PRUNE2: variants seen among roughly 807,000 people sequenced by gnomAD.
PRUNE2 encodes the protein protein prune homolog 2.
Under a neutral mutation model 252.0 loss-of-function variants are expected in PRUNE2, and 164 were observed. The ratio of observed to expected loss-of-function variants is 0.65; its 90% confidence interval spans 0.57 to 0.74. The LOEUF is 0.74. Ranked by LOEUF, PRUNE2 falls within the 30% of genes least tolerant of loss-of-function variation. The pLI is 0.00. For synonymous variants in PRUNE2, 1,292 were observed against 1,350.2 expected (o/e 0.96, Z 0.94); for missense variants, 3,495 against 3,711.0 (o/e 0.94, Z 1.51).
chr9:76,752,093 T>A (rs57867815), intron 6 of PRUNE2, among the ~76,000 whole-genome samples: 8 of 18,992 alleles, frequency 4.2e-4, no homozygotes, highest in Middle Eastern at 0.043. Flanking sequence ...CTGTTTTTTT[T>A]TTGGTTTTTT....
intron 1 of PRUNE2, among the ~76,000 whole-genome samples, chr9:76,883,360 T>A (rs956728011): frequency 2.1e-4 from 32 of 152,346 alleles, no homozygotes; most frequent in Non-Finnish European, 4.3e-4. Context: ...AGGGATTGAT[T>A]ACTTCTAGAA....
In PRUNE2 at chr9:76,705,680, G is replaced by T; in HGVS notation, c.6594C>A (p.Asp2198Glu). ...CTGATACTTGTAAACCTGTACTGTT[G>T]TCACCGTTTATTTCAGAAGGTTCAG... ...GSPEPSEING[D>E]NSTGLQVSEK... Residue 2198 changes from aspartate (D) to glutamate (E), a missense_variant, in exon 8 of 19, where the codon GAC becomes GAA. Asp to Glu is a conservative substitution (Grantham distance 45). Coordinates refer to ENST00000376718, the MANE Select transcript of PRUNE2 (RefSeq NM_015225.3). 6.2e-7 allele frequency: 1 copy of T among 1,613,958 alleles called. No homozygotes were observed.
intron 9 of PRUNE2, among the ~76,000 whole-genome samples, chr9:76,688,537 C>CA (rs2044358106): frequency 1.3e-5 from 2 of 152,190 alleles, no homozygotes; most frequent in Non-Finnish European, 2.9e-5. Flanking sequence ...AGTAGGTTCT[C>CA]ATCTTCCTCA....
At chr9:76,819,909 G>C (rs11145083) in intron 6 of PRUNE2, among the ~76,000 whole-genome samples, 19,569 of 152,148 alleles carry the variant, frequency 0.13, 1,380 homozygotes, top group East Asian at 0.18. Flanking sequence ...ATCATTACCA[G>C]TTCTGCTGGC....
chr9:76,755,438 A>G (rs1042215748), intron 6 of PRUNE2, among the ~76,000 whole-genome samples: 3 of 146,360 alleles, frequency 2.0e-5, no homozygotes, highest in African/African-American at 7.9e-5. Flanking sequence ...CACTCTGGGG[A>G]TATAAAAAAA....
intron 6 of PRUNE2, among the ~76,000 whole-genome samples, chr9:76,776,247 C>T (rs991043300): frequency 6.6e-6 from 1 of 152,148 alleles, no homozygotes; most frequent in African/African-American, 2.4e-5. Flanking sequence ...GAATAGCAGA[C>T]ATTGTACCCA....
intron 1 of PRUNE2, among the ~76,000 whole-genome samples, chr9:76,887,085 G>A (rs561369894): frequency 6.6e-6 from 1 of 152,014 alleles, no homozygotes; most frequent in Admixed American, 6.5e-5. Context: ...TTCTTATATT[G>A]GGAAGAAACT....
At chr9:76,616,867 A>G (rs1225733879) in intron 18 of PRUNE2, among the ~76,000 whole-genome samples, 1 of 152,216 alleles carries the variant, frequency 6.6e-6, no homozygotes, top group Non-Finnish European at 1.5e-5. Flanking sequence ...ATGTAAAAAT[A>G]TAAAAAGGCA....
At chr9:76,717,524 T>G (rs1588803960) in intron 6 of PRUNE2, among the ~76,000 whole-genome samples, 1 of 152,162 alleles carries the variant, frequency 6.6e-6, no homozygotes, top group Non-Finnish European at 1.5e-5. Flanking sequence ...CTGTTTTAGT[T>G]ACATGTATAC....
intron 6 of PRUNE2, among the ~76,000 whole-genome samples, chr9:76,720,849 CAT>C (rs61070592): frequency 0.22 from 33,005 of 151,974 alleles, 4,035 homozygotes; most frequent in East Asian, 0.58. Flanking sequence ...GAAGTAAACT[CAT>C]ATAAAAATGA....
At chr9:76,629,544 T>C (rs557252157) in intron 15 of PRUNE2, among the ~76,000 whole-genome samples, 2 of 152,204 alleles carry the variant, frequency 1.3e-5, no homozygotes, top group Admixed American at 6.5e-5. Flanking sequence ...TTCTGAAATA[T>C]GTATACGTTG....
chr9:76,677,891 A>C (rs921407136), intron 9 of PRUNE2, among the ~76,000 whole-genome samples: 1 of 152,080 alleles, frequency 6.6e-6, no homozygotes, highest in African/African-American at 2.4e-5. Flanking sequence ...CACTTCCCCC[A>C]CACCCCACGA....
At chr9:76,874,255 G>GCTAA (rs1469167361) in intron 1 of PRUNE2, among the ~76,000 whole-genome samples, 1 of 152,072 alleles carries the variant, frequency 6.6e-6, no homozygotes, top group Non-Finnish European at 1.5e-5. Flanking sequence ...TTTTAATGAG[G>GCTAA]CTAAGTCTCT....
At chr9:76,831,101 T>C (rs899438140) in intron 4 of PRUNE2, among the ~76,000 whole-genome samples, 5 of 152,068 alleles carry the variant, frequency 3.3e-5, no homozygotes, top group African/African-American at 9.7e-5. Flanking sequence ...AGCTAATTTT[T>C]TGTATTTTTA....
chr9:76,638,572 T>A (rs997847713), intron 12 of PRUNE2, among the ~76,000 whole-genome samples: 1 of 152,176 alleles, frequency 6.6e-6, no homozygotes, highest in Admixed American at 6.5e-5. Flanking sequence ...TGTACATAGT[T>A]GTGAAGAGGG....
At chr9:76,629,325 T>A in intron 15 of PRUNE2, 35 bp from the exon 16 acceptor site, 1 of 1,109,218 alleles carries the variant, frequency 9.0e-7, no homozygotes, top group Non-Finnish European at 1.3e-6. Flanking sequence ...TATGTATCAT[T>A]AGTCACTACC....
chr9:76,858,967 G>A (rs937514558), intron 1 of PRUNE2, among the ~76,000 whole-genome samples: 1 of 151,972 alleles, frequency 6.6e-6, no homozygotes, highest in African/African-American at 2.4e-5. Context: ...TAGGTTGGAG[G>A]GACCCAGTCT....
At chr9:76,877,107 A>G (rs2061517376) in intron 1 of PRUNE2, among the ~76,000 whole-genome samples, 1 of 152,126 alleles carries the variant, frequency 6.6e-6, no homozygotes, top group Non-Finnish European at 1.5e-5. Flanking sequence ...ATTCCCTTCA[A>G]GCTTTAATGC....
chr9:76,724,693 G>A (rs908728900), intron 6 of PRUNE2, among the ~76,000 whole-genome samples: 11 of 152,120 alleles, frequency 7.2e-5, no homozygotes, highest in African/African-American at 2.7e-4. Flanking sequence ...TTGAATGGGG[G>A]AGTTTCACAA....
Sources: gnomAD v4.1 joint callset for allele counts (sites outside exome capture counted in the v4.1 genomes callset) on GRCh38, gnomAD v4.1.1 for gene constraint, MANE v1.5 for transcripts, NCBI Gene and HGNC (gene_info 2026-07-23, HGNC 2026-07-21) for gene names.